Variants in MSH3 observed in about 807,000 individuals in gnomAD.
MSH3 encodes the protein DNA mismatch repair protein Msh3.
A neutral mutation model predicts 123.3 loss-of-function variants in MSH3; 106 were observed. The ratio of observed to expected loss-of-function variants is 0.86; its 90% CI spans 0.73 to 1.01. The LOEUF is 1.01. Among genes scored for constraint, MSH3 ranks in the 50% least tolerant of loss-of-function variants. The pLI is 0.00. For synonymous variants in MSH3, 515 were observed against 481.4 expected, an observed-to-expected ratio of 1.07 and a Z score of -0.91; for missense variants, 1,459 against 1,347.6, an observed-to-expected ratio of 1.08 and a Z score of -1.29.
intron 9 of MSH3, among the ~76,000 whole-genome samples, chr5:80,725,904 A>T (rs1244977511): frequency 6.6e-6 from 1 of 152,226 alleles, no homozygotes; most frequent in Non-Finnish European, 1.5e-5. Context: ...CCAGCTAGTA[A>T]GTTGATGGTT....
In MSH3 at chr5:80,791,295, A is replaced by G. The variant is rs1439829794; in HGVS notation, c.2544-1438A>G. Among the ~76,000 whole-genome samples, 5 of 152,326 alleles carry G rather than the reference A, an allele frequency of 3.3e-5. No homozygotes were observed. In the East Asian group the frequency reaches 5.8e-4, roughly 18 times the overall value. On this transcript the variant is annotated intron_variant, in intron 18 of 23. Transcript: ENST00000265081. Reference sequence around the variant, plus strand: ...TTGCAATTATGGAGCAAAGATGACCATCTCTTTAAGAAAATTATGAGCTTT... The same window carrying G: ...TTGCAATTATGGAGCAAAGATGACCGTCTCTTTAAGAAAATTATGAGCTTT...
At chr5:80,721,305 A>G (rs1439299191) in intron 8 of MSH3, among the ~76,000 whole-genome samples, 1 of 152,070 alleles carries the variant, frequency 6.6e-6, no homozygotes, top group Non-Finnish European at 1.5e-5. Flanking sequence ...TGTTCATAGG[A>G]GTTTTTCCTC....
At chr5:80,716,583 TA>T (rs1184805296) in intron 8 of MSH3, among the ~76,000 whole-genome samples, 2 of 152,112 alleles carry the variant, frequency 1.3e-5, no homozygotes, top group East Asian at 1.9e-4. Flanking sequence ...GAGAAACTTA[TA>T]TTTTTTTACA....
intron 13 of MSH3, among the ~76,000 whole-genome samples, chr5:80,764,254 G>A (rs1248568666): frequency 3.3e-5 from 5 of 152,254 alleles, no homozygotes; most frequent in Admixed American, 3.3e-4. Flanking sequence ...GTGGGAAGTG[G>A]TTAGCATAGG....
intron 13 of MSH3, among the ~76,000 whole-genome samples, chr5:80,766,011 A>G (rs1561470626): frequency 1.3e-5 from 2 of 152,010 alleles, no homozygotes; most frequent in African/African-American, 2.4e-5. Flanking sequence ...TTTCATTTCT[A>G]CTATTATGCT....
intron 8 of MSH3, among the ~76,000 whole-genome samples, chr5:80,711,965 T>G (rs1561452261): frequency 6.6e-6 from 1 of 152,188 alleles, no homozygotes; most frequent in Non-Finnish European, 1.5e-5. Context: ...GCACTACACT[T>G]TCTAATGAGT....
At chr5:80,734,634 A>G (rs1397509947) in intron 10 of MSH3, among the ~76,000 whole-genome samples, 2 of 152,124 alleles carry the variant, frequency 1.3e-5, no homozygotes, top group African/African-American at 2.4e-5. Context: ...AGAGTGTTCC[A>G]AGCCCTTTGT....
intron 19 of MSH3, among the ~76,000 whole-genome samples, chr5:80,810,935 C>T (rs1458690630): frequency 6.6e-6 from 1 of 151,950 alleles, no homozygotes; most frequent in Non-Finnish European, 1.5e-5. Flanking sequence ...ATCTGAAATG[C>T]TCCAATGAGC....
chr5:80,667,681 T>C (rs899709069), intron 3 of MSH3, among the ~76,000 whole-genome samples: 4 of 152,004 alleles, frequency 2.6e-5, no homozygotes, highest in African/African-American at 9.7e-5. Flanking sequence ...CCAGCGTGAG[T>C]GAGGGCTGGA....
chr5:80,705,383 T>C (rs1000573201), intron 8 of MSH3, among the ~76,000 whole-genome samples: 6 of 152,210 alleles, frequency 3.9e-5, no homozygotes, highest in Non-Finnish European at 5.9e-5. Context: ...TTGACTGTTA[T>C]AGTTCCAGGA....
Position 80,853,636 on chromosome 5 carries a change from G to A in MSH3, c.2814-494G>A, listed in dbSNP as rs146235475. Among the ~76,000 whole-genome samples the A allele has an allele frequency of 2.0e-4, 30 of 152,182 alleles. No homozygotes were observed. In the South Asian group the frequency reaches 4.1e-3, roughly 21 times the overall value. The stretch of plus-strand genomic sequence containing the variant: ...TTAGCTGCTGTCCAAGGTATCAAAC[G>A]TCTATAATTCTAGTTCCAGTAAAAA... On this transcript the variant is annotated intron_variant, in intron 20 of 23. Transcript: ENST00000265081.
chr5:80,674,829 C>T lies in MSH3; in HGVS notation c.1028-154C>T, dbSNP rs957837089. On this transcript the variant is annotated intron_variant, in intron 6 of 23. Coordinates refer to ENST00000265081, the MANE Select transcript of MSH3 (RefSeq NM_002439.5). The stretch of plus-strand genomic sequence containing the variant: ...TCCTAGCCTTAAGTAATCCTACCAC[C>T]TTGGCCTCCTAAAGTGCTGGGATTA... 2.0e-5 allele frequency among the ~76,000 whole-genome samples: 3 copies of T among 152,102 alleles called. No homozygotes were observed. The East Asian group carries it at 5.8e-4, about 29-fold the overall frequency.
intron 8 of MSH3, among the ~76,000 whole-genome samples, chr5:80,715,616 G>T (rs1375079297): frequency 6.6e-6 from 1 of 152,054 alleles, no homozygotes; most frequent in African/African-American, 2.4e-5. Flanking sequence ...AAGAAAAGAG[G>T]TTTAATTGGT....
chr5:80,669,880 T>A (rs1288081748), intron 3 of MSH3, among the ~76,000 whole-genome samples: 2 of 152,234 alleles, frequency 1.3e-5, no homozygotes, highest in Non-Finnish European at 2.9e-5. Flanking sequence ...ATAAAAATTC[T>A]ATGATAGCTT....
intron 20 of MSH3, among the ~76,000 whole-genome samples, chr5:80,821,446 C>G (rs947375399): frequency 3.3e-5 from 5 of 152,280 alleles, no homozygotes; most frequent in Non-Finnish European, 7.3e-5. Flanking sequence ...TTCACTTCAT[C>G]CTGGAAGTTA....
intron 20 of MSH3, among the ~76,000 whole-genome samples, chr5:80,829,316 C>G (rs1440088352): frequency 6.6e-6 from 1 of 152,136 alleles, no homozygotes; most frequent in Non-Finnish European, 1.5e-5. Context: ...TTTGGCTGAT[C>G]CTAGTTGGAA....
chr5:80,798,329 T>C (rs1744734099), intron 19 of MSH3, among the ~76,000 whole-genome samples: 1 of 148,584 alleles, frequency 6.7e-6, no homozygotes, highest in African/African-American at 2.5e-5. Context: ...CTCACACATT[T>C]GTTACATGAA....
chr5:80,749,288 G>A (rs140728323), intron 12 of MSH3, among the ~76,000 whole-genome samples: 1 of 152,192 alleles, frequency 6.6e-6, no homozygotes, highest in African/African-American at 2.4e-5. Context: ...AGAGTCCCTG[G>A]CAAACCACTG....
chr5:80,808,403 A>G (rs1744936405), intron 19 of MSH3, among the ~76,000 whole-genome samples: 1 of 152,126 alleles, frequency 6.6e-6, no homozygotes, highest in African/African-American at 2.4e-5. Flanking sequence ...AAAGGCTTCT[A>G]CCATTTCACC....
Sources: allele counts gnomAD v4.1 joint callset (sites outside exome capture counted in the v4.1 genomes callset), GRCh38; gene constraint gnomAD v4.1.1; transcripts MANE v1.5; gene names NCBI Gene and HGNC (gene_info 2026-07-23, HGNC 2026-07-21).